Variants in LRRTM4 observed in about 807,000 individuals in gnomAD.
LRRTM4 encodes leucine-rich repeat transmembrane neuronal protein 4.
A neutral mutation model predicts 47.6 loss-of-function variants in LRRTM4; 25 were observed. The ratio of observed to expected loss-of-function variants is 0.53; its 90% CI spans 0.38 to 0.73. The LOEUF is 0.73. Ranked by LOEUF, LRRTM4 falls within the 30% of genes least tolerant of loss-of-function variation. LRRTM4 has a pLI of 0.00. For synonymous variants in LRRTM4, 311 were observed against 269.5 expected (o/e 1.15, Z -1.51); for missense variants, 638 against 713.4 (o/e 0.89, Z 1.20).
chr2:77,120,942 G>C (rs1374799677), intron 3 of LRRTM4, among the ~76,000 whole-genome samples: 2 of 151,666 alleles, frequency 1.3e-5, no homozygotes, highest in Non-Finnish European at 3.0e-5. Context: ...GCAGAACCCT[G>C]AGTGTTTGGA....
chr2:76,787,083 T>C (rs1674712156), intron 3 of LRRTM4, among the ~76,000 whole-genome samples: 1 of 152,148 alleles, frequency 6.6e-6, no homozygotes, highest in Non-Finnish European at 1.5e-5. Flanking sequence ...TATTAATATC[T>C]GGAGAAAGAC....
chr2:77,455,164 G>T (rs1396689588), intron 3 of LRRTM4, among the ~76,000 whole-genome samples: 1 of 152,266 alleles, frequency 6.6e-6, no homozygotes, highest in East Asian at 1.9e-4. Flanking sequence ...CTCTAGCCTG[G>T]ATGACAGAGC....
Position 77,519,350 on chromosome 2 carries a change from G to A in LRRTM4, c.519C>T (p.Pro173=), listed in dbSNP as rs751498037. 1.2e-6 allele frequency: 2 copies of A among 1,613,354 alleles called. No homozygotes were observed. The highest frequency in any genetic ancestry group is 1.1e-5 in the South Asian group (1 of 91,068). ...HLRSNSLKTV[P]IRVFQDCRNL... The stretch of plus-strand genomic sequence containing the variant: ...TCCGACAGTCTTGAAAAACTCTTAT[G>A]GGCACAGTCTTTAGTGAGTTAGATC... Residue 173 remains proline, a synonymous_variant, in exon 3 of 4, where the codon CCC becomes CCT. Transcript: ENST00000409884. The surrounding 1 kb of genome is among the most constrained non-coding windows in gnomAD (Gnocchi z 4.6).
At chr2:77,228,139 G>T (rs1247562626) in intron 3 of LRRTM4, among the ~76,000 whole-genome samples, 1 of 152,010 alleles carries the variant, frequency 6.6e-6, no homozygotes, top group East Asian at 1.9e-4. Context: ...TGAGAAAAAT[G>T]GATTCAAATG....
chr2:77,150,916 A>T (rs1672399212), intron 3 of LRRTM4, among the ~76,000 whole-genome samples: 1 of 152,140 alleles, frequency 6.6e-6, no homozygotes, highest in Non-Finnish European at 1.5e-5. Flanking sequence ...ATTTAAAATT[A>T]GTTTTCTTCT....
At chr2:77,083,500 C>T (rs1680597476) in intron 3 of LRRTM4, among the ~76,000 whole-genome samples, 1 of 152,042 alleles carries the variant, frequency 6.6e-6, no homozygotes. Context: ...AGTAAGCTGA[C>T]CAAAAACATG....
At chr2:77,325,086 G>T (rs868344888) in intron 3 of LRRTM4, among the ~76,000 whole-genome samples, 1 of 152,034 alleles carries the variant, frequency 6.6e-6, no homozygotes, top group African/African-American at 2.4e-5. Context: ...TCTCCTTTCT[G>T]CAGAGAAACA....
intron 3 of LRRTM4, among the ~76,000 whole-genome samples, chr2:77,061,342 G>A (rs1196538435): frequency 1.3e-5 from 2 of 152,104 alleles, no homozygotes. Flanking sequence ...GCTCTCAACA[G>A]TTCCTTAATT....
intron 3 of LRRTM4, among the ~76,000 whole-genome samples, chr2:76,763,472 A>G (rs1673337292): frequency 6.6e-6 from 1 of 152,240 alleles, no homozygotes; most frequent in African/African-American, 2.4e-5. Flanking sequence ...CCCACAACCT[A>G]AGAGAAGAGT....
chr2:77,068,351 C>T (rs1680031216), intron 3 of LRRTM4, among the ~76,000 whole-genome samples: 1 of 152,048 alleles, frequency 6.6e-6, no homozygotes, highest in Admixed American at 6.6e-5. Context: ...AAGCATAAAA[C>T]TAAGTGGTTT....
intron 3 of LRRTM4, among the ~76,000 whole-genome samples, chr2:76,944,502 C>T (rs72823106): frequency 0.023 from 3,555 of 152,098 alleles, 82 homozygotes; most frequent in Middle Eastern, 0.065. Context: ...GTATTAGTTA[C>T]CCAACAAATT....
chr2:77,358,963 C>T (rs1672074974), intron 3 of LRRTM4, among the ~76,000 whole-genome samples: 2 of 152,018 alleles, frequency 1.3e-5, no homozygotes, highest in African/African-American at 4.8e-5. Flanking sequence ...ACTAATACAA[C>T]TTTTTCTTAT....
chr2:77,137,446 G>A (rs938043791), intron 3 of LRRTM4, among the ~76,000 whole-genome samples: 1 of 151,924 alleles, frequency 6.6e-6, no homozygotes, highest in Middle Eastern at 3.4e-3. Flanking sequence ...TCACCACCAG[G>A]CCTGCCCTAC....
chr2:76,881,339 C>G (rs543914021), intron 3 of LRRTM4, among the ~76,000 whole-genome samples: 1 of 152,120 alleles, frequency 6.6e-6, no homozygotes, highest in East Asian at 1.9e-4. Flanking sequence ...TCACACATGG[C>G]CTATCAAGGT....
intron 3 of LRRTM4, among the ~76,000 whole-genome samples, chr2:77,497,630 G>T (rs11679996): frequency 0.33 from 49,297 of 150,316 alleles, 8,201 homozygotes; most frequent in Middle Eastern, 0.35. Context: ...TGTATGCATG[G>T]ATACACATAT....
rs116839954 is a variant in LRRTM4, at chr2:76,901,667, C to T, written c.1552-152751G>A. On this transcript the variant is annotated intron_variant, in intron 3 of 3. Coordinates refer to ENST00000409884, the MANE Select transcript of LRRTM4 (RefSeq NM_001134745.3). ...TATAAAAGCCCAGAATGACATGTTA[C>T]TGTCTGTAGATATGTGTCGGAGACC... 6.6e-3 allele frequency among the ~76,000 whole-genome samples: 1,006 copies of T among 152,170 alleles called. 15 individuals are homozygous for T. The highest frequency in any genetic ancestry group is 0.023 in the African/African-American group (957 of 41,520).
intron 3 of LRRTM4, among the ~76,000 whole-genome samples, chr2:77,226,802 T>C (rs1031117494): frequency 1.5e-4 from 23 of 151,696 alleles, no homozygotes; most frequent in Non-Finnish European, 1.5e-4. Context: ...ATTCTGAAAA[T>C]AGATGTTTTG....
chr2:77,168,487 T>G (rs1453525008), intron 3 of LRRTM4, among the ~76,000 whole-genome samples: 1 of 152,126 alleles, frequency 6.6e-6, no homozygotes, highest in East Asian at 1.9e-4. Flanking sequence ...ATATGTACAA[T>G]GTGTAATGAT....
chr2:76,940,726 G>C (rs1675109411), intron 3 of LRRTM4, among the ~76,000 whole-genome samples: 1 of 152,142 alleles, frequency 6.6e-6, no homozygotes, highest in South Asian at 2.1e-4. Context: ...ATGTACGTCA[G>C]AAAGAGGTTC....
Sources: gnomAD v4.1 joint callset for allele counts (sites outside exome capture counted in the v4.1 genomes callset) on GRCh38, gnomAD v4.1.1 for gene constraint, Gnocchi (gnomAD v3.1) non-coding constraint, MANE v1.5 for transcripts, NCBI Gene and HGNC (gene_info 2026-07-23, HGNC 2026-07-21) for gene names.